Variants in PRPF18 observed in about 807,000 individuals in gnomAD.
PRPF18 encodes pre-mRNA-splicing factor 18.
A neutral mutation model predicts 46.5 loss-of-function variants in PRPF18; 38 were observed. The ratio of observed to expected loss-of-function variants is 0.82; its 90% CI spans 0.63 to 1.07. The LOEUF (loss-of-function observed/expected upper bound fraction) is 1.07. Ranked by LOEUF, PRPF18 falls within the 50% of genes least tolerant of loss-of-function variation. The pLI is 0.00. For synonymous variants in PRPF18, 152 were observed against 146.7 expected, an observed-to-expected ratio of 1.04 and a Z score of -0.26; for missense variants, 263 against 410.0, an observed-to-expected ratio of 0.64 and a Z score of 3.10.
intron 5 of PRPF18, among the ~76,000 whole-genome samples, chr10:13,611,017 A>T (rs1045357607): frequency 6.6e-6 from 1 of 152,258 alleles, no homozygotes; most frequent in African/African-American, 2.4e-5. Context: ...TTAAGGAAAC[A>T]TAAACTTATT....
chr10:13,638,966 A>C, the PRPF18 span: 1 of 152,210 alleles, frequency 6.6e-6, no homozygotes, highest in African/African-American at 2.4e-5. Context: ...TCAGTCCCCA[A>C]GCAATGTATG....
At chr10:13,626,656 A>C (rs2080509313) in intron 9 of PRPF18, among the ~76,000 whole-genome samples, 1 of 152,182 alleles carries the variant, frequency 6.6e-6, no homozygotes, top group Non-Finnish European at 1.5e-5. Flanking sequence ...AAAACCAAGC[A>C]CTGTCAGTAT....
the PRPF18 span, chr10:13,654,556 C>T: frequency 7.7e-7 from 1 of 1,293,668 alleles, no homozygotes; most frequent in Non-Finnish European, 1.1e-6. Context: ...AGACAGGGAT[C>T]AGACACAGGT....
Position 13,630,442 on chromosome 10 carries a change from T to A in PRPF18, c.*102T>A, listed in dbSNP as rs918538314. The A allele has an allele frequency of 5.3e-6, 5 of 945,490 alleles. No homozygotes were observed. The highest frequency in any genetic ancestry group is 2.3e-5 in the Admixed American group (1 of 43,138). 58.6% of individuals were successfully genotyped at this position (945,490 alleles called of 1,614,324 possible). On this transcript the variant is annotated 3_prime_UTR_variant, in exon 10 of 10. Coordinates refer to ENST00000378572, the MANE Select transcript of PRPF18 (RefSeq NM_003675.4). The stretch of plus-strand genomic sequence containing the variant: ...ATGAGGAAAGAAGAAAACTGGAGTT[T>A]CCAGTCTCTGAGTTCTACCTGATGT...
Position 13,610,300 on chromosome 10 carries a change from GTTTATTTACTCCTCGCTTTTA to G in PRPF18, c.510+128_510+148del. The G allele has an allele frequency of 3.5e-6, 4 of 1,144,282 alleles. No homozygotes were observed. The South Asian group carries it at 7.1e-5, about 20-fold the overall frequency. The allele number at this position is 1,144,282 out of a possible 1,614,324, so 70.9% of individuals were successfully genotyped here. A position where few individuals can be genotyped will look rare whatever the true frequency, so the allele number is the denominator to read the frequency against. On this transcript the variant is annotated intron_variant, in intron 5 of 9. Coordinates refer to ENST00000378572, the MANE Select transcript of PRPF18 (RefSeq NM_003675.4). ...AGCACACTGTTGTCCTTGGTCTTTT[GTTTATTTACTCCTCGCTTTTA>G]TTTATTTACTCCCCTTTTTCTCATC...
intron 9 of PRPF18, among the ~76,000 whole-genome samples, chr10:13,617,191 G>A (rs2080355752): frequency 6.6e-6 from 1 of 152,214 alleles, no homozygotes; most frequent in Non-Finnish European, 1.5e-5. Flanking sequence ...GATTGTGTCT[G>A]TAAAATGACT....
the PRPF18 span, chr10:13,652,590 T>C: frequency 6.5e-6 from 1 of 152,778 alleles, no homozygotes; most frequent in Admixed American, 6.5e-5. Context: ...AGAGCTGGGG[T>C]GTGGGTGGGT....
chr10:13,615,019 G>A (rs1162337189), intron 8 of PRPF18, among the ~76,000 whole-genome samples: 1 of 152,212 alleles, frequency 6.6e-6, no homozygotes, highest in Non-Finnish European at 1.5e-5. Flanking sequence ...CGTGATTAGA[G>A]CCTTAGGCTA....
the PRPF18 span, chr10:13,645,498 A>C: frequency 6.5e-6 from 1 of 152,734 alleles, no homozygotes; most frequent in Non-Finnish European, 1.5e-5. Context: ...TTGAAGATTG[A>C]TGGCTTTCCA....
chr10:13,630,339 G>A lies in PRPF18; in HGVS notation c.1028G>A (p.Ter343=), dbSNP rs142271147. The A allele has an allele frequency of 1.9e-3, 2,969 of 1,604,668 alleles. 4 individuals are homozygous for A. The highest frequency in any genetic ancestry group is 1.9e-3 in the Non-Finnish European group (2,283 of 1,171,438). ...PSKCVEYNAL[*] is the part of the protein sequence containing the mutation. ...AAATGTGTGGAGTACAATGCACTGT[G>A]AGATCTGTGTATGGTGTGTTAATAA... Residue 343 remains the stop codon, a stop_retained_variant, in exon 10 of 10, where the codon TGA becomes TAA. Coordinates refer to ENST00000378572, the MANE Select transcript of PRPF18 (RefSeq NM_003675.4).
chr10:13,587,837 T>C (rs1489370244), intron 1 of PRPF18, among the ~76,000 whole-genome samples: 1 of 152,226 alleles, frequency 6.6e-6, no homozygotes, highest in Non-Finnish European at 1.5e-5. Context: ...TGTTACTTTT[T>C]TTGTGCGTTT....
intron 9 of PRPF18, among the ~76,000 whole-genome samples, chr10:13,619,389 A>G (rs946676941): frequency 6.6e-6 from 1 of 152,280 alleles, no homozygotes; most frequent in Non-Finnish European, 1.5e-5. Flanking sequence ...AAAAATAGTA[A>G]GAAGCTTTTT....
At chr10:13,591,796 G>A in intron 1 of PRPF18, 2 of 1,444,308 alleles carry the variant, frequency 1.4e-6, no homozygotes, top group South Asian at 2.3e-5. Context: ...CAGAGGTCCA[G>A]TCACAAGTAA....
At chr10:13,610,593 A>G (rs1191499073) in intron 5 of PRPF18, among the ~76,000 whole-genome samples, 1 of 152,112 alleles carries the variant, frequency 6.6e-6, no homozygotes, top group Non-Finnish European at 1.5e-5. Context: ...CTTTGCTTTT[A>G]ATTGCTACAT....
chr10:13,598,845 ATT>A (rs2080068964), intron 2 of PRPF18, among the ~76,000 whole-genome samples: 1 of 152,184 alleles, frequency 6.6e-6, no homozygotes, highest in South Asian at 2.1e-4. Context: ...AGATTCTTAA[ATT>A]TGAACCTTTT....
chr10:13,596,880 C>T (rs2133268809), intron 1 of PRPF18, among the ~76,000 whole-genome samples: 1 of 152,126 alleles, frequency 6.6e-6, no homozygotes, highest in East Asian at 1.9e-4. Flanking sequence ...GAAAAACGCA[C>T]AAAAAACCCC....
At chr10:13,623,431 GA>G (rs1220433733) in intron 9 of PRPF18, among the ~76,000 whole-genome samples, 1 of 152,162 alleles carries the variant, frequency 6.6e-6, no homozygotes, top group East Asian at 1.9e-4. Flanking sequence ...GTTTATGACA[GA>G]ATTTTAAATA....
chr10:13,635,032 A>G (rs2080624613), downstream of PRPF18, among the ~76,000 whole-genome samples: 2 of 151,984 alleles, frequency 1.3e-5, no homozygotes, highest in South Asian at 4.1e-4. Context: ...ATTCTTCCTG[A>G]TCCTCTCCCT....
chr10:13,591,069 G>A (rs1256971003), intron 1 of PRPF18, among the ~76,000 whole-genome samples: 1 of 152,200 alleles, frequency 6.6e-6, no homozygotes, highest in African/African-American at 2.4e-5. Context: ...GTTACACGAT[G>A]TTCTCATATT....
Sources: gnomAD v4.1 joint callset for allele counts (sites outside exome capture counted in the v4.1 genomes callset) on GRCh38, gnomAD v4.1.1 for gene constraint, MANE v1.5 for transcripts, NCBI Gene and HGNC (gene_info 2026-07-23, HGNC 2026-07-21) for gene names.